TXNRD1: variants seen among roughly 807,000 people sequenced by gnomAD.
The protein encoded by TXNRD1 is thioredoxin reductase 1.
Under a neutral mutation model 80.3 loss-of-function variants are expected in TXNRD1, and 57 were observed. That is an observed-to-expected ratio of 0.71 (90% CI 0.57 to 0.89). The LOEUF (loss-of-function observed/expected upper bound fraction) is 0.89. Ranked by LOEUF, TXNRD1 falls within the 40% of genes least tolerant of loss-of-function variation. The pLI is 0.00. For synonymous variants in TXNRD1, 291 were observed against 285.2 expected, an observed-to-expected ratio of 1.02 and a Z score of -0.20; for missense variants, 730 against 803.0, an observed-to-expected ratio of 0.91 and a Z score of 1.10.
At chr12:104,292,881 A>G (rs1334101771) in intron 4 of TXNRD1, among the ~76,000 whole-genome samples, 2 of 152,248 alleles carry the variant, frequency 1.3e-5, no homozygotes, top group Non-Finnish European at 2.9e-5. Flanking sequence ...GTTAGAAAAC[A>G]GCAAATAGGA....
rs1168559341 is a variant in TXNRD1, at chr12:104,290,720, C to CATACATAT, written c.414+1683_414+1684insCATATATA. Among the ~76,000 whole-genome samples, 10 of 55,874 alleles carry CATACATAT rather than the reference C, an allele frequency of 1.8e-4. 1 individual carries two copies. Among genetic ancestry groups the CATACATAT allele is most frequent in the Admixed American group, 2.7e-4 (1 of 3,660 alleles). 36.7% of individuals were successfully genotyped at this position (55,874 alleles called of 152,430 possible). A position where few individuals can be genotyped will look rare whatever the true frequency, so the allele number is the denominator to read the frequency against. Reference sequence around the variant, plus strand: ...TCAAAAAAAAAAAAAAAGAAATATACATATATATATATATATATATATATA... The same window carrying CATACATAT: ...TCAAAAAAAAAAAAAAAGAAATATACATACATATATATATATATATATATATATATATA... On this transcript the variant is annotated intron_variant, in intron 4 of 16. Coordinates refer to ENST00000525566, the MANE Select transcript of TXNRD1 (RefSeq NM_001093771.3).
At chr12:104,217,225 T>G (rs1359647518) in intron 1 of TXNRD1, among the ~76,000 whole-genome samples, 1 of 152,038 alleles carries the variant, frequency 6.6e-6, no homozygotes, top group Admixed American at 6.5e-5. Context: ...ATCTTCTTGA[T>G]ATCTATGTCC....
At chr12:104,285,226 G>C (rs994833953) in intron 3 of TXNRD1, among the ~76,000 whole-genome samples, 1 of 152,118 alleles carries the variant, frequency 6.6e-6, no homozygotes, top group African/African-American at 2.4e-5. Context: ...GATGAGAAAT[G>C]GTGGAAGAAG....
In TXNRD1 at chr12:104,334,348, A is replaced by G. The variant is rs1485960385; in HGVS notation, c.1746+16A>G. 1.5e-6 allele frequency: 2 copies of G among 1,343,698 alleles called. No homozygotes were observed. 83.2% of individuals were successfully genotyped at this position (1,343,698 alleles called of 1,614,324 possible). The stretch of plus-strand genomic sequence containing the variant: ...TAAAGACAATGTAAGTTTAATTCTC[A>G]ATCCTTTCCAGTAATTTTATTTAGT... On this transcript the variant is annotated intron_variant, in intron 15 of 16. Coordinates refer to ENST00000525566, the MANE Select transcript of TXNRD1 (RefSeq NM_001093771.3).
chr12:104,284,254 T>G (rs745657958), intron 3 of TXNRD1: 7 of 152,242 alleles, frequency 4.6e-5, no homozygotes, highest in Non-Finnish European at 1.0e-4. Context: ...GAAATCACTT[T>G]TAATTTCTGT....
intron 4 of TXNRD1, among the ~76,000 whole-genome samples, chr12:104,302,692 G>T (rs571811652): frequency 1.3e-5 from 2 of 151,666 alleles, no homozygotes; most frequent in East Asian, 1.9e-4. Context: ...GGTTTCACCG[G>T]GTTAGCCAAG....
intron 1 of TXNRD1, among the ~76,000 whole-genome samples, chr12:104,225,824 G>A (rs2032461509): frequency 6.6e-6 from 1 of 151,834 alleles, no homozygotes; most frequent in Non-Finnish European, 1.5e-5. Flanking sequence ...GACCTGAACA[G>A]GAAGCACTGT....
intron 4 of TXNRD1, among the ~76,000 whole-genome samples, chr12:104,299,131 T>G (rs1006607172): frequency 6.6e-5 from 10 of 152,206 alleles, no homozygotes; most frequent in African/African-American, 2.4e-4. Flanking sequence ...CTTTTTCCTC[T>G]TTAAGGAGCA....
At chr12:104,253,130 G>A (rs1016160602) in intron 2 of TXNRD1, among the ~76,000 whole-genome samples, 2 of 152,040 alleles carry the variant, frequency 1.3e-5, no homozygotes, top group African/African-American at 4.8e-5. Flanking sequence ...TGGGCTTATG[G>A]GCTTTTTGGA....
chr12:104,322,695 G>A (rs1054745577), intron 10 of TXNRD1, among the ~76,000 whole-genome samples: 2 of 152,078 alleles, frequency 1.3e-5, no homozygotes, highest in Non-Finnish European at 2.9e-5. Context: ...CTGTTTTTTA[G>A]AGTAGAGGTA....
chr12:104,251,628 G>C lies in TXNRD1; in HGVS notation c.193G>C (p.Gly65Arg). 6.2e-7 allele frequency: 1 copy of C among 1,613,744 alleles called. No homozygotes were observed. The highest frequency in any genetic ancestry group is 8.5e-7 in the Non-Finnish European group (1 of 1,179,764). The change falls in exon 2 of 17, where the codon GGT becomes CGT. Residue 65 changes from glycine to arginine, a missense_variant. By Grantham distance (125) the Gly-to-Arg change is moderately radical (BLOSUM62 -2). Coordinates refer to ENST00000525566, the MANE Select transcript of TXNRD1 (RefSeq NM_001093771.3). ...SRALLQAYIDGHSVVIFSRST... is the reference protein window; with the variant it reads ...SRALLQAYIDRHSVVIFSRST... Reference sequence around the variant, plus strand: ...AGCCCTGCTTCAGGCCTATATAGATGGTCACTCTGTGGTCATCTTCAGTAG... The same window carrying C: ...AGCCCTGCTTCAGGCCTATATAGATCGTCACTCTGTGGTCATCTTCAGTAG...
At position 104,318,995 on chromosome 12, in the gene TXNRD1, G is replaced by A. The variant is rs769874096; in HGVS notation, c.813G>A (p.Arg271=). Residue 271 remains arginine, a synonymous_variant, in exon 8 of 17, where the codon CGG becomes CGA. Coordinates refer to ENST00000525566, the MANE Select transcript of TXNRD1 (RefSeq NM_001093771.3). ...SLNWGYRVAL[R]EKKVVYENAY... is the part of the protein sequence containing the mutation. ...ATTGGGGCTACCGAGTAGCTCTGCGGGAGAAAAAAGTCGTCTATGAGAATG... is the reference window on the plus strand; with the variant it reads ...ATTGGGGCTACCGAGTAGCTCTGCGAGAGAAAAAAGTCGTCTATGAGAATG... 5 of 1,613,870 alleles carry A rather than the reference G, an allele frequency of 3.1e-6. No homozygotes were observed. Among genetic ancestry groups the A allele is most frequent in the Non-Finnish European group, 3.4e-6 (4 of 1,179,856 alleles).
intron 4 of TXNRD1, among the ~76,000 whole-genome samples, chr12:104,297,490 C>T (rs560970409): frequency 3.3e-5 from 5 of 151,868 alleles, no homozygotes; most frequent in East Asian, 2.0e-4. Flanking sequence ...CTCAGTCTCC[C>T]GAGTAGCTGG....
intron 14 of TXNRD1, among the ~76,000 whole-genome samples, chr12:104,333,207 A>G (rs1459504271): frequency 1.3e-5 from 2 of 152,078 alleles, no homozygotes; most frequent in Admixed American, 6.5e-5. Flanking sequence ...TTCTCAGTTT[A>G]TTTTTTGAAG....
At chr12:104,260,532 A>C (rs2033345854) in intron 3 of TXNRD1, among the ~76,000 whole-genome samples, 1 of 152,106 alleles carries the variant, frequency 6.6e-6, no homozygotes, top group African/African-American at 2.4e-5. Flanking sequence ...ACTTCATATA[A>C]ATACTGGATC....
At chr12:104,228,121 G>A (rs2032518331) in intron 1 of TXNRD1, among the ~76,000 whole-genome samples, 1 of 152,016 alleles carries the variant, frequency 6.6e-6, no homozygotes, top group African/African-American at 2.4e-5. Flanking sequence ...TGACCAACAT[G>A]GAGAAACCCC....
chr12:104,286,883 G>T (rs10735393), intron 3 of TXNRD1: 965,397 of 1,105,226 alleles, frequency 0.87, 422,586 homozygotes, highest in Middle Eastern at 0.92. Context: ...CTCAGCTTAC[G>T]AGGCAATTAG....
At chr12:104,215,988 T>A in intron 1 of TXNRD1, 95 bp downstream of exon 1, 1 of 1,065,628 alleles carries the variant, frequency 9.4e-7, no homozygotes, top group Non-Finnish European at 1.4e-6. Flanking sequence ...AGCCCTGGCC[T>A]TGAAGCCCCT....
chr12:104,305,781 TTTC>T (rs1202430927), intron 4 of TXNRD1, among the ~76,000 whole-genome samples: 1 of 152,276 alleles, frequency 6.6e-6, no homozygotes, highest in Non-Finnish European at 1.5e-5. Flanking sequence ...ATCTACTGAA[TTTC>T]TTCTCTGGCC....
Sources: allele counts gnomAD v4.1 joint callset (sites outside exome capture counted in the v4.1 genomes callset), GRCh38; gene constraint gnomAD v4.1.1; transcripts MANE v1.5; gene names NCBI Gene and HGNC (gene_info 2026-07-23, HGNC 2026-07-21).